The following SCYL1 variants were observed in gnomAD, a reference collection of about 807,000 sequenced individuals.
The protein encoded by SCYL1 is SCY1 like pseudokinase 1.
Under a neutral mutation model 94.8 loss-of-function variants are expected in SCYL1, and 85 were observed. That is an observed-to-expected ratio of 0.90 (90% CI 0.75 to 1.07). SCYL1 has a LOEUF of 1.07. SCYL1 is among the 50% of genes least tolerant of loss of function. The pLI is 0.00. For synonymous variants in SCYL1, 459 were observed against 435.5 expected (o/e 1.05, Z -0.67); for missense variants, 968 against 1,083.3 (o/e 0.89, Z 1.49).
chr11:65,535,621 A>C, intron 10 of SCYL1: 1 of 615,366 alleles, frequency 1.6e-6, no homozygotes. Context: ...GCATCCCTTC[A>C]GCCAGGGTTT....
chr11:65,530,630 T>C lies in SCYL1; in HGVS notation c.851T>C (p.Ile284Thr). Residue 284 changes from isoleucine to threonine, a missense_variant and splice_region_variant, in exon 7 of 18, where the codon ATC becomes ACC. By Grantham distance (89) the Ile-to-Thr change is moderately conservative. Around this residue, in one of 2 missense-constraint regions of SCYL1, gnomAD observed 494 missense variants for 619.7 expected, o/e 0.80. Transcript: ENST00000270176. ...CGGGTCCCGTCCTCACTCCCCCAGA[T>C]CAAAGAGCCAGCCGAGAAGCAAAAA... ...ETNLFLEEIQ[I>T]KEPAEKQKFF... 1 of 1,612,438 alleles carries C rather than the reference T, an allele frequency of 6.2e-7. No homozygotes were observed. Among genetic ancestry groups the C allele is most frequent in the Non-Finnish European group, 8.5e-7 (1 of 1,179,152 alleles).
Position 65,525,264 on chromosome 11 carries a change from G to A in SCYL1, c.111G>A (p.Lys37=). 1 of 1,432,898 alleles carries A rather than the reference G, an allele frequency of 7.0e-7. No individual in the cohort carries two copies. Among genetic ancestry groups the A allele is most frequent in the Non-Finnish European group, 9.2e-7 (1 of 1,090,572 alleles). The allele number at this position is 1,432,898 out of a possible 1,614,324, so 88.8% of individuals were successfully genotyped here. A position where few individuals can be genotyped will look rare whatever the true frequency, so the allele number is the denominator to read the frequency against. Residue 37 remains lysine, a splice_region_variant and synonymous_variant, in exon 1 of 18, where the codon AAG becomes AAA. Transcript: ENST00000270176. ...GPWALHRGRK[K]ATGSPVSIFV... is the part of the protein sequence containing the mutation. ...GGGCCCTGCACCGCGGCCGCAAGAA[G>A]GTGAGTGCGGCCGAGCTCCGTAGGC...
intron 8 of SCYL1, 75 bp downstream of exon 8, chr11:65,531,758 G>C: frequency 9.3e-7 from 1 of 1,071,286 alleles, no homozygotes; most frequent in Non-Finnish European, 1.4e-6. Context: ...ACCTGCCCTG[G>C]CTGCACAGGG....
chr11:65,531,497 C>T, intron 7 of SCYL1, 79 bp from the exon 8 acceptor site: 1 of 1,058,824 alleles, frequency 9.4e-7, no homozygotes, highest in Non-Finnish European at 1.5e-6. Flanking sequence ...CCTGGGATAT[C>T]AGCCCCAGGA....
chr11:65,538,003 G>A lies in SCYL1; in HGVS notation c.2068G>A (p.Glu690Lys). The A allele has an allele frequency of 6.2e-7, 1 of 1,612,980 alleles. No individual in the cohort carries two copies. Among genetic ancestry groups the A allele is most frequent in the Non-Finnish European group, 8.5e-7 (1 of 1,179,492 alleles). ...NSDHKSSKSPESDWSSWEAEG... is the reference protein window; with the variant it reads ...NSDHKSSKSPKSDWSSWEAEG... Reference sequence around the variant, plus strand: ...CGACCACAAATCCTCCAAATCCCCAGAGTCCGACTGGAGCAGCTGGGAAGC... The same window carrying A: ...CGACCACAAATCCTCCAAATCCCCAAAGTCCGACTGGAGCAGCTGGGAAGC... The change falls in exon 16 of 18, where the codon GAG becomes AAG. Residue 690 changes from glutamate (E) to lysine (K), a missense_variant. Coordinates refer to ENST00000270176, the MANE Select transcript of SCYL1 (RefSeq NM_020680.4).
chr11:65,536,399 C>T lies in SCYL1; in HGVS notation c.1651+65C>T. The stretch of plus-strand genomic sequence containing the variant: ...GTCCTTGACTGTGACCTGTTTGTGT[C>T]CCACCCCCACTGGAGTTTCTGAAAG... On this transcript the variant is annotated intron_variant, in intron 12 of 17. Transcript: ENST00000270176. 4 of 1,544,380 alleles carry T rather than the reference C, an allele frequency of 2.6e-6. No homozygotes were observed. In the South Asian group the frequency reaches 3.4e-5, roughly 13 times the overall value.
intron 6 of SCYL1, 71 bp downstream of exon 6, chr11:65,527,188 A>G (rs1590723242): frequency 6.5e-7 from 1 of 1,543,386 alleles, no homozygotes; most frequent in Non-Finnish European, 8.9e-7. Flanking sequence ...TTTTCAGGGT[A>G]CCTCACAATT....
At chr11:65,536,172 TG>T in intron 11 of SCYL1, 31 bp downstream of exon 11, 1 of 1,609,042 alleles carries the variant, frequency 6.2e-7, no homozygotes, top group Non-Finnish European at 8.5e-7. Context: ...GGCCCTGGGC[TG>T]GGGCTGTAGG....
In SCYL1 at chr11:65,530,053, C is replaced by T. The variant is rs574890752; in HGVS notation, c.850-576C>T. 2.6e-5 allele frequency among the ~76,000 whole-genome samples: 4 copies of T among 152,248 alleles called. No homozygotes were observed. The East Asian group carries it at 5.8e-4, about 22-fold the overall frequency. The stretch of plus-strand genomic sequence containing the variant: ...GGGGGTTAGGAGGACTAAAGGAGAC[C>T]GTTGAGCTTACAGGCTGGTCCATTT... On this transcript the variant is annotated intron_variant, in intron 6 of 17. Transcript: ENST00000270176.
In SCYL1 at chr11:65,532,759, A is replaced by G. The variant is rs1855449755; in HGVS notation, c.1184A>G (p.His395Arg). The G allele has an allele frequency of 6.2e-7, 1 of 1,614,130 alleles. No individual in the cohort carries two copies. The highest frequency in any genetic ancestry group is 8.5e-7 in the Non-Finnish European group (1 of 1,179,980). The stretch of plus-strand genomic sequence containing the variant: ...ACCCAGATCTTCCCCCACGTCGTAC[A>G]TGGCTTCCTGGACACCAACCCTGCC... The part of the protein sequence containing the change: ...VNTQIFPHVV[H>R]GFLDTNPAIR... Residue 395 changes from histidine (H) to arginine (R), a missense_variant, in exon 9 of 18, where the codon CAT becomes CGT. Physicochemically the swap from His to Arg is conservative, Grantham distance 29. Transcript: ENST00000270176.
At chr11:65,529,320 G>A (rs981167110) in intron 6 of SCYL1, among the ~76,000 whole-genome samples, 2 of 152,318 alleles carry the variant, frequency 1.3e-5, no homozygotes, top group African/African-American at 2.4e-5. Context: ...AGTTCTCCTC[G>A]TACGGCTGGC....
chr11:65,531,502 C>T (rs1052705891), intron 7 of SCYL1, 74 bp from the exon 8 acceptor site: 1 of 1,144,440 alleles, frequency 8.7e-7, no homozygotes, highest in African/African-American at 1.5e-5. Context: ...GATATCAGCC[C>T]CAGGAATTTA....
Position 65,532,730 on chromosome 11 carries a change from C to A in SCYL1, c.1155C>A (p.Val385=). 1 of 1,614,160 alleles carries A rather than the reference C, an allele frequency of 6.2e-7. No individual in the cohort carries two copies. Among genetic ancestry groups the A allele is most frequent in the South Asian group, 1.1e-5 (1 of 91,082 alleles). Residue 385 remains valine, a synonymous_variant, in exon 9 of 18, where the codon GTC becomes GTA. Transcript: ENST00000270176. ...TCCAGTACCTTGACGAGCCAACAGTCAACACCCAGATCTTCCCCCACGTCG... is the reference window on the plus strand; with the variant it reads ...TCCAGTACCTTGACGAGCCAACAGTAAACACCCAGATCTTCCCCCACGTCG... ...QFIQYLDEPT[V]NTQIFPHVVH... is the part of the protein sequence containing the mutation.
Position 65,538,492 on chromosome 11 carries a change from G to A in SCYL1, c.2353G>A (p.Glu785Lys), listed in dbSNP as rs899628558. 1.9e-6 allele frequency: 3 copies of A among 1,600,688 alleles called. No individual in the cohort carries two copies. Among genetic ancestry groups the A allele is most frequent in the Non-Finnish European group, 2.6e-6 (3 of 1,175,134 alleles). ...ARKKREERRREMEAKRAERKV... is the reference protein window; with the variant it reads ...ARKKREERRRKMEAKRAERKV... Reference sequence around the variant, plus strand: ...GAAGAAGCGCGAGGAGCGGCGGCGGGAGATGGAGGCCAAACGCGCCGAGAG... The same window carrying A: ...GAAGAAGCGCGAGGAGCGGCGGCGGAAGATGGAGGCCAAACGCGCCGAGAG... Residue 785 changes from glutamate (E) to lysine (K), a missense_variant, in exon 18 of 18, where the codon GAG becomes AAG. Around this residue, in one of 2 missense-constraint regions of SCYL1, gnomAD observed 474 missense variants for 463.6 expected, o/e 1.02. Coordinates refer to ENST00000270176, the MANE Select transcript of SCYL1 (RefSeq NM_020680.4).
intron 14 of SCYL1, among the ~76,000 whole-genome samples, chr11:65,537,551 C>T (rs1399987865): frequency 6.6e-6 from 1 of 152,090 alleles, no homozygotes; most frequent in Non-Finnish European, 1.5e-5. Flanking sequence ...GGCCCAATTT[C>T]CCCATCTGGC....
chr11:65,538,301 G>T lies in SCYL1; in HGVS notation c.2279G>T (p.Trp760Leu). 1.9e-6 allele frequency: 3 copies of T among 1,551,560 alleles called. No homozygotes were observed. Among genetic ancestry groups the T allele is most frequent in the South Asian group, 1.2e-5 (1 of 84,034 alleles). ...CCAGACTCTTGGGGTGAGGACAACT[G>T]GGAGGGCCTCGAGACTGACAGTCGT... ...PRPDSWGEDN[W>L]EGLETDSRQV... is the part of the protein sequence containing the mutation. The change falls in exon 17 of 18, where the codon TGG becomes TTG. Residue 760 changes from tryptophan (W) to leucine (L), a missense_variant. Physicochemically the swap from Trp to Leu is moderately conservative, Grantham distance 61. Coordinates refer to ENST00000270176, the MANE Select transcript of SCYL1 (RefSeq NM_020680.4).
In SCYL1 at chr11:65,531,731, C is replaced by G. The variant is rs935242058; in HGVS notation, c.1116+48C>G. ...TGTGGTGGTCCACCCAGACCCCAACCTGGTGGCTGGGGAGGCACCTGCCCT... is the reference window on the plus strand; with the variant it reads ...TGTGGTGGTCCACCCAGACCCCAACGTGGTGGCTGGGGAGGCACCTGCCCT... On this transcript the variant is annotated intron_variant, in intron 8 of 17. Transcript: ENST00000270176. 3.5e-6 allele frequency: 5 copies of G among 1,441,248 alleles called. No homozygotes were observed. The African/African-American group carries it at 5.6e-5, about 16-fold the overall frequency. 89.3% of individuals were successfully genotyped at this position (1,441,248 alleles called of 1,614,324 possible). A position where few individuals can be genotyped will look rare whatever the true frequency, so the allele number is the denominator to read the frequency against.
In SCYL1 at chr11:65,535,339, C is replaced by G; in HGVS notation, c.1343C>G (p.Thr448Ser). 1 of 1,614,272 alleles carries G rather than the reference C, an allele frequency of 6.2e-7. No individual in the cohort carries two copies. The highest frequency in any genetic ancestry group is 1.1e-5 in the South Asian group (1 of 91,090). The stretch of plus-strand genomic sequence containing the variant: ...GAACAGGGCCCCATCCGCTGCAACA[C>G]CACAGTCTGCCTGGGCAAAATCGGC... Reference protein sequence around the residue: ...KDEQGPIRCNTTVCLGKIGSY... With the variant: ...KDEQGPIRCNSTVCLGKIGSY... The change falls in exon 10 of 18, where the codon ACC becomes AGC. Residue 448 changes from threonine (T) to serine (S), a missense_variant. By Grantham distance (58) the Thr-to-Ser change is moderately conservative (BLOSUM62 1). Around this residue, in one of 2 missense-constraint regions of SCYL1, gnomAD observed 494 missense variants for 619.7 expected, o/e 0.80. Transcript: ENST00000270176.
chr11:65,536,910 A>G (rs1214587885), intron 13 of SCYL1, 76 bp from the exon 14 acceptor site: 2 of 849,434 alleles, frequency 2.4e-6, no homozygotes, highest in Non-Finnish European at 3.5e-6. Context: ...CCTTCCCCCC[A>G]GTAGCCCCCT....
Sources: allele counts gnomAD v4.1 joint callset (sites outside exome capture counted in the v4.1 genomes callset), GRCh38; gene constraint gnomAD v4.1.1; regional missense constraint gnomAD v4.1.1; transcripts MANE v1.5; gene names NCBI Gene and HGNC (gene_info 2026-07-23, HGNC 2026-07-21).